The following PHACTR1 variants were observed in gnomAD, a reference collection of about 807,000 sequenced individuals.
PHACTR1 encodes RPEL repeat containing 1.
In PHACTR1, 16 loss-of-function variants were observed where a neutral mutation model predicts 69.2. The observed-to-expected ratio is 0.23, with a 90% CI of 0.16 to 0.35. The LOEUF (loss-of-function observed/expected upper bound fraction) is 0.35. Ranked by LOEUF, PHACTR1 falls within the 10% of genes least tolerant of loss-of-function variation. The pLI is 1.00. For synonymous variants in PHACTR1, 312 were observed against 284.5 expected (o/e 1.10, Z -0.97); for missense variants, 510 against 734.7 (o/e 0.69, Z 3.54).
chr6:13,045,401 C>T (rs764231978), intron 4 of PHACTR1, among the ~76,000 whole-genome samples: 1 of 152,164 alleles, frequency 6.6e-6, no homozygotes, highest in Non-Finnish European at 1.5e-5. Context: ...TCTTTACCGT[C>T]ATAATAGTCA....
At chr6:13,200,748 A>G (rs952446318) in intron 7 of PHACTR1, among the ~76,000 whole-genome samples, 3 of 151,756 alleles carry the variant, frequency 2.0e-5, no homozygotes, top group Non-Finnish European at 4.4e-5. Context: ...AGCCTGGCCA[A>G]CATGGTGAAA....
At chr6:13,185,005 G>A in intron 7 of PHACTR1, 1 of 1,364,820 alleles carries the variant, frequency 7.3e-7, no homozygotes, top group Non-Finnish European at 9.8e-7. Flanking sequence ...CCACTTAACA[G>A]GTGAGTGCAG....
chr6:13,158,036 C>T (rs1023539269), intron 5 of PHACTR1, among the ~76,000 whole-genome samples: 1 of 152,128 alleles, frequency 6.6e-6, no homozygotes, highest in African/African-American at 2.4e-5. Flanking sequence ...CATGCGCCAC[C>T]ACGCCCAACT....
intron 5 of PHACTR1, among the ~76,000 whole-genome samples, chr6:13,057,326 C>T (rs1004708335): frequency 4.6e-5 from 7 of 152,098 alleles, no homozygotes; most frequent in African/African-American, 1.7e-4. Context: ...CTGAGTAGAG[C>T]TTGGTTAATG....
At chr6:13,016,895 A>C (rs1227475396) in intron 4 of PHACTR1, among the ~76,000 whole-genome samples, 1 of 152,162 alleles carries the variant, frequency 6.6e-6, no homozygotes, top group East Asian at 1.9e-4. Context: ...TCACTTTAAA[A>C]CCAAGATGCG....
intron 4 of PHACTR1, among the ~76,000 whole-genome samples, chr6:12,985,490 C>A (rs1796033998): frequency 6.8e-6 from 1 of 146,134 alleles, no homozygotes. Context: ...TTATATTGAC[C>A]ATACTACATC....
rs1163813053 is a variant in PHACTR1 at position 12,933,916 on chromosome 6, T to C, written c.251-119449T>C. ...GAGAGGACATTTACTCTTTGGTCCA[T>C]ATGGGAAGGGAAAATGCGGGTTGGC... is the stretch of plus-strand genomic sequence containing the variant. On this transcript the variant is annotated intron_variant, in intron 4 of 14. Coordinates refer to ENST00000332995, the MANE Select transcript of PHACTR1 (RefSeq NM_030948.6). The C allele has an allele frequency of 3.1e-6, 5 of 1,610,050 alleles. No homozygotes were observed. In the East Asian group the frequency reaches 8.9e-5, roughly 29 times the overall value.
chr6:12,981,223 A>G (rs778867424), intron 4 of PHACTR1, among the ~76,000 whole-genome samples: 5 of 152,260 alleles, frequency 3.3e-5, no homozygotes, highest in Non-Finnish European at 5.9e-5. Flanking sequence ...CTGATTTCAT[A>G]AATATAATAG....
chr6:13,060,888 T>C (rs1227550773), intron 5 of PHACTR1, among the ~76,000 whole-genome samples: 1 of 152,134 alleles, frequency 6.6e-6, no homozygotes, highest in African/African-American at 2.4e-5. Context: ...ACAAGGGAGA[T>C]TGGGTTAGTT....
chr6:12,898,565 A>G lies in PHACTR1; in HGVS notation c.250+148775A>G, dbSNP rs540285237. Among the ~76,000 whole-genome samples the G allele has an allele frequency of 2.6e-5, 4 of 152,310 alleles. No homozygotes were observed. In the South Asian group the frequency reaches 8.3e-4, roughly 32 times the overall value. ...CAAATCGACTTCCTAAATGTCTCAG[A>G]CATATCTGCCTCCTTTTATCTTGGC... is the stretch of plus-strand genomic sequence containing the variant. On this transcript the variant is annotated intron_variant, in intron 4 of 14. Coordinates refer to ENST00000332995, the MANE Select transcript of PHACTR1 (RefSeq NM_030948.6).
At chr6:12,956,507 A>G (rs898733625) in intron 4 of PHACTR1, among the ~76,000 whole-genome samples, 1 of 152,174 alleles carries the variant, frequency 6.6e-6, no homozygotes, top group Non-Finnish European at 1.5e-5. Context: ...CAAAATGTCT[A>G]TCTAGAGTGG....
chr6:13,211,339 A>G (rs1766813197), intron 8 of PHACTR1, among the ~76,000 whole-genome samples: 1 of 151,772 alleles, frequency 6.6e-6, no homozygotes, highest in Non-Finnish European at 1.5e-5. Flanking sequence ...CATTTCAAAG[A>G]TGATGCAGTG....
intron 3 of PHACTR1, among the ~76,000 whole-genome samples, chr6:12,723,571 C>T (rs1762413582): frequency 6.7e-6 from 1 of 150,132 alleles, no homozygotes; most frequent in Non-Finnish European, 1.5e-5. Context: ...TCATAGCTCA[C>T]TGCAGCCTCA....
At chr6:12,990,088 T>C (rs1378885758) in intron 4 of PHACTR1, among the ~76,000 whole-genome samples, 1 of 152,176 alleles carries the variant, frequency 6.6e-6, no homozygotes, top group Non-Finnish European at 1.5e-5. Context: ...CCCATATTTT[T>C]ATAGCCAGTT....
At chr6:13,218,452 T>C (rs746437028) in intron 8 of PHACTR1, among the ~76,000 whole-genome samples, 1 of 152,220 alleles carries the variant, frequency 6.6e-6, no homozygotes, top group Non-Finnish European at 1.5e-5. Context: ...GAAAGTAAAG[T>C]CTGGGCCTTA....
intron 12 of PHACTR1, chr6:13,280,854 G>A: frequency 1.3e-6 from 1 of 776,456 alleles, no homozygotes; most frequent in Non-Finnish European, 1.9e-6. Flanking sequence ...GGTTCCAGAT[G>A]CCCCGAAGGC....
intron 4 of PHACTR1, among the ~76,000 whole-genome samples, chr6:13,051,568 C>T (rs1472568591): frequency 4.6e-5 from 7 of 152,150 alleles, no homozygotes; most frequent in African/African-American, 7.2e-5. Flanking sequence ...TGCCTTCAGC[C>T]CTCTCTATTC....
intron 4 of PHACTR1, among the ~76,000 whole-genome samples, chr6:13,005,152 A>G (rs921698158): frequency 6.6e-6 from 1 of 151,342 alleles, no homozygotes; most frequent in Non-Finnish European, 1.5e-5. Context: ...ACTCATTGCT[A>G]TGAACCTGAA....
chr6:12,852,257 G>A (rs1779905157), intron 4 of PHACTR1, among the ~76,000 whole-genome samples: 1 of 152,150 alleles, frequency 6.6e-6, no homozygotes, highest in Non-Finnish European at 1.5e-5. Flanking sequence ...CCCAGAGCTG[G>A]GGTGACCCAT....
Sources: gnomAD v4.1 joint callset for allele counts (sites outside exome capture counted in the v4.1 genomes callset) on GRCh38, gnomAD v4.1.1 for gene constraint, MANE v1.5 for transcripts, NCBI Gene and HGNC (gene_info 2026-07-23, HGNC 2026-07-21) for gene names.